COL4A6: variants seen among roughly 807,000 people sequenced by gnomAD.
The protein encoded by COL4A6 is collagen type IV alpha 6 chain.
Under a neutral mutation model 126.7 loss-of-function variants are expected in COL4A6, and 59 were observed. The observed-to-expected ratio is 0.47, with a 90% CI of 0.38 to 0.58. The LOEUF is 0.58. COL4A6 is among the 20% of genes least tolerant of loss of function. The pLI is 0.00. For synonymous variants in COL4A6, 547 were observed against 496.6 expected, an observed-to-expected ratio of 1.10 and a Z score of -1.35; for missense variants, 1,285 against 1,337.3, an observed-to-expected ratio of 0.96 and a Z score of 0.61.
chrX:108,292,772 C>T (rs1031478293), intron 3 of COL4A6, among the ~76,000 whole-genome samples: 1 of 108,683 alleles, frequency 9.2e-6, no homozygotes, highest in African/African-American at 3.4e-5. Context: ...GTCTCAGCCC[C>T]CATCTCAGCC....
At chrX:108,194,222 G>T (rs1309066538) in intron 16 of COL4A6, among the ~76,000 whole-genome samples, 2 of 112,040 alleles carry the variant, frequency 1.8e-5, no homozygotes, top group African/African-American at 6.5e-5. Context: ...GGGATGCATT[G>T]TCTGTAGAGA....
chrX:108,313,046 T>C (rs2038798071), intron 2 of COL4A6, among the ~76,000 whole-genome samples: 1 of 112,650 alleles, frequency 8.9e-6, no homozygotes, highest in Non-Finnish European at 1.9e-5. Context: ...ATCATCACTG[T>C]CCTTTGTCAC....
rs34639525 is a variant in COL4A6 at position 108,289,242 on chromosome X, AGTGTGTGTGT to A, written c.144+21496_144+21505del. 1.6e-3 allele frequency among the ~76,000 whole-genome samples: 142 copies of A among 91,326 alleles called. 1 individual carries two copies. Among genetic ancestry groups the A allele is most frequent in the Admixed American group, 2.8e-3 (22 of 7,957 alleles). The allele number at this position is 91,326 out of a possible 115,157, so 79.3% of individuals were successfully genotyped here. A position where few individuals can be genotyped will look rare whatever the true frequency, so the allele number is the denominator to read the frequency against. Reference sequence around the variant, plus strand: ...TATATTTCCCAAGAGCAATGAGTATAGTGTGTGTGTGTGTGTGTGTGTGTGTGTGTGTGTG... The same window carrying A: ...TATATTTCCCAAGAGCAATGAGTATAGTGTGTGTGTGTGTGTGTGTGTGTG... On this transcript the variant is annotated intron_variant, in intron 3 of 44. Transcript: ENST00000334504.
intron 31 of COL4A6, among the ~76,000 whole-genome samples, chrX:108,173,224 T>C (rs1188528863): frequency 1.8e-5 from 2 of 111,919 alleles, no homozygotes; most frequent in African/African-American, 6.5e-5. Context: ...GTGCTTTGGG[T>C]AGGAGGCTGA....
At chrX:108,282,706 A>G (rs1211758366) in intron 3 of COL4A6, among the ~76,000 whole-genome samples, 1 of 108,354 alleles carries the variant, frequency 9.2e-6, no homozygotes, top group Non-Finnish European at 1.9e-5. Context: ...ACGTATGTTT[A>G]TTGCGGCACT....
chrX:108,391,954 C>A (rs755193053), intron 2 of COL4A6, among the ~76,000 whole-genome samples: 1 of 112,109 alleles, frequency 8.9e-6, no homozygotes, highest in African/African-American at 3.2e-5. Context: ...TGTTCCTGTT[C>A]GGCCATCTTG....
chrX:108,255,666 G>A (rs187231102), intron 3 of COL4A6, among the ~76,000 whole-genome samples: 1 of 109,921 alleles, frequency 9.1e-6, no homozygotes, highest in African/African-American at 3.3e-5. Flanking sequence ...AACAAACTCT[G>A]ACTCTTTGCT....
At chrX:108,360,534 CTTTTTT>C (rs5903322) in intron 2 of COL4A6, among the ~76,000 whole-genome samples, 1 of 84,326 alleles carries the variant, frequency 1.2e-5, no homozygotes, top group Admixed American at 1.4e-4. Flanking sequence ...ACACTTTAAC[CTTTTTT>C]TTTTTTTTTT....
chrX:108,405,937 A>C (rs2041197791), intron 2 of COL4A6, among the ~76,000 whole-genome samples: 1 of 110,698 alleles, frequency 9.0e-6, no homozygotes, highest in Non-Finnish European at 1.9e-5. Context: ...ATGTGCACTA[A>C]ATTATGAAAT....
rs1239324359 is a variant in COL4A6, at chrX:108,160,566, C to T, written c.4422G>A (p.Gln1474=). ...RVGYTLVKHS[Q]SEQVPPCPIG... ...TGGGACACGGGGGCACCTGTTCCGA[C>T]TGGCTGTGCTTTACCAACGTGTAGC... Residue 1474 remains glutamine, a synonymous_variant, in exon 43 of 45, where the codon CAG becomes CAA. Coordinates refer to ENST00000334504, the MANE Select transcript of COL4A6 (RefSeq NM_033641.4). 1.7e-6 allele frequency: 2 copies of T among 1,210,240 alleles called. No individual in the cohort carries two copies. The highest frequency in any genetic ancestry group is 2.2e-6 in the Non-Finnish European group (2 of 895,218).
At chrX:108,172,378 AAAAAAAAAAAAAGAGAGAGACC>A in intron 32 of COL4A6, 69 bp downstream of exon 32, 1 of 431,632 alleles carries the variant, frequency 2.3e-6, no homozygotes, top group Non-Finnish European at 3.4e-6. Context: ...AAAAAAAAAA[AAAAAAAAAAAAAGAGAGAGACC>A]CTTGGGCCTG....
chrX:108,357,442 A>T (rs2039984996), intron 2 of COL4A6, among the ~76,000 whole-genome samples: 1 of 111,505 alleles, frequency 9.0e-6, no homozygotes, highest in Non-Finnish European at 1.9e-5. Context: ...GGAATTTGAT[A>T]AAATTCTGCT....
intron 3 of COL4A6, among the ~76,000 whole-genome samples, chrX:108,261,253 G>A (rs1394449822): frequency 9.0e-6 from 1 of 111,722 alleles, no homozygotes; most frequent in Non-Finnish European, 1.9e-5. Context: ...AGCTACATAT[G>A]GCTAGAGGCT....
chrX:108,161,893 G>A (rs1172257308), intron 41 of COL4A6, among the ~76,000 whole-genome samples, 158 bp from the exon 42 acceptor site: 2 of 112,605 alleles, frequency 1.8e-5, no homozygotes, highest in Non-Finnish European at 3.8e-5. Context: ...GGCTGCAGCC[G>A]CCTGGGCTAG....
intron 20 of COL4A6, among the ~76,000 whole-genome samples, chrX:108,189,278 C>A (rs2034962909): frequency 8.9e-6 from 1 of 112,206 alleles, no homozygotes. Flanking sequence ...ATAGTCTGTT[C>A]TTCAGATTAG....
intron 2 of COL4A6, among the ~76,000 whole-genome samples, chrX:108,364,026 C>G (rs1254760454): frequency 9.1e-6 from 1 of 110,271 alleles, no homozygotes; most frequent in Non-Finnish European, 1.9e-5. Flanking sequence ...TGTGTGCCAC[C>G]ACACCCTAAT....
intron 3 of COL4A6, among the ~76,000 whole-genome samples, chrX:108,294,416 T>G (rs895761713): frequency 4.0e-5 from 3 of 75,165 alleles, no homozygotes; most frequent in East Asian, 1.6e-3. Flanking sequence ...TTTTTTTTGG[T>G]GTGTGTGTGT....
At chrX:108,348,438 C>G (rs937942379) in intron 2 of COL4A6, among the ~76,000 whole-genome samples, 1 of 111,090 alleles carries the variant, frequency 9.0e-6, no homozygotes, top group Admixed American at 9.6e-5. Flanking sequence ...CCATGTTTAC[C>G]TCTGGATTTT....
At chrX:108,159,856 C>T (rs2033865023) in intron 43 of COL4A6, 108 bp from the exon 44 acceptor site, 1 of 835,772 alleles carries the variant, frequency 1.2e-6, no homozygotes, top group African/African-American at 2.0e-5. Context: ...TGAGGCAGCC[C>T]TCTCCTTCCA....
Sources: gnomAD v4.1 joint callset for allele counts (sites outside exome capture counted in the v4.1 genomes callset) on GRCh38, gnomAD v4.1.1 for gene constraint, MANE v1.5 for transcripts, NCBI Gene and HGNC (gene_info 2026-07-23, HGNC 2026-07-21) for gene names.